Variants in ZNF285 observed in about 807,000 individuals in gnomAD.
ZNF285 encodes the protein zinc finger protein 285.
Under a neutral mutation model 6.2 loss-of-function variants are expected in ZNF285, and 4 were observed. The ratio of observed to expected loss-of-function variants is 0.65; its 90% CI spans 0.32 to 1.49. The LOEUF is 1.49. Among genes scored for constraint, ZNF285 ranks in the 40% most tolerant of loss-of-function variants. The pLI is 0.07. For missense variants in ZNF285, 695 were observed against 708.8 expected (o/e 0.98, Z 0.22); for synonymous variants, 240 against 245.8 (o/e 0.98, Z 0.22).
chr19:44,384,981 C>T lies in ZNF285; in HGVS notation c.*1491G>A, dbSNP rs1971046337. 1 of 120,968 alleles carries T rather than the reference C, an allele frequency of 8.3e-6. No homozygotes were observed. Among genetic ancestry groups the T allele is most frequent in the Non-Finnish European group, 1.6e-5 (1 of 62,728 alleles). 7.5% of individuals were successfully genotyped at this position (120,968 alleles called of 1,614,324 possible). On this transcript the variant is annotated 3_prime_UTR_variant, in exon 4 of 4. Transcript: ENST00000614994. ...CACTGCACTCCAGCCACCTGGGTGA[C>T]ACAGCAAGACCCTGTTTCCAAAAAA...
chr19:44,386,663 T>A lies in ZNF285; in HGVS notation c.1582A>T (p.Asn528Tyr). ...GKGFSRNSDL[N>Y]VHLRVHTGER... ...CCTGTGTGGACTCTGAGGTGAACATTAAGATCTGAATTCCGGCTGAAGCCT... is the reference window on the plus strand; with the variant it reads ...CCTGTGTGGACTCTGAGGTGAACATAAAGATCTGAATTCCGGCTGAAGCCT... Residue 528 changes from asparagine (N) to tyrosine (Y), a missense_variant, in exon 4 of 4, where the codon AAT becomes TAT. By Grantham distance (143) the Asn-to-Tyr change is moderately radical (BLOSUM62 -2). Coordinates refer to ENST00000614994, the MANE Select transcript of ZNF285 (RefSeq NM_152354.6). The A allele has an allele frequency of 6.2e-7, 1 of 1,613,998 alleles. No individual in the cohort carries two copies. The highest frequency in any genetic ancestry group is 8.5e-7 in the Non-Finnish European group (1 of 1,179,928).
At position 44,387,006 on chromosome 19, in the gene ZNF285, G is replaced by A. The variant is rs566967165; in HGVS notation, c.1239C>T (p.Ser413=). The change falls in exon 4 of 4, where the codon TCC becomes TCT. Residue 413 remains serine, a synonymous_variant. Coordinates refer to ENST00000614994, the MANE Select transcript of ZNF285 (RefSeq NM_152354.6). The part of the protein sequence containing the change: ...SECGKCFSSS[S]VLQVHWRFHT... The stretch of plus-strand genomic sequence containing the variant: ...GAAACCTCCAGTGGACTTGAAGAAC[G>A]GAGCTTGAACTAAAGCACTTGCCAC... 2.5e-5 allele frequency: 40 copies of A among 1,613,916 alleles called. No individual in the cohort carries two copies. Among genetic ancestry groups the A allele is most frequent in the South Asian group, 8.8e-5 (8 of 91,068 alleles).
chr19:44,386,794 T>C lies in ZNF285; in HGVS notation c.1451A>G (p.Tyr484Cys), dbSNP rs766315220. Reference protein sequence around the residue: ...HQRVHTGEKPYKCEVCGKCFS... With the variant: ...HQRVHTGEKPCKCEVCGKCFS... ...GCACTTTCCACACACTTCACATTTA[T>C]ATGGTTTTTCTCCAGTGTGAACTCT... is the stretch of plus-strand genomic sequence containing the variant. The change falls in exon 4 of 4, where the codon TAT becomes TGT. Residue 484 changes from tyrosine (Y) to cysteine (C), a missense_variant. Physicochemically the swap from Tyr to Cys is radical, Grantham distance 194. Coordinates refer to ENST00000614994, the MANE Select transcript of ZNF285 (RefSeq NM_152354.6). 1 of 1,614,260 alleles carries C rather than the reference T, an allele frequency of 6.2e-7. No individual in the cohort carries two copies. The highest frequency in any genetic ancestry group is 1.1e-5 in the South Asian group (1 of 91,090).
Position 44,392,592 on chromosome 19 carries a change from C to T in ZNF285, c.16-126G>A, listed in dbSNP as rs75663678. ...ACAAAATAAACTTATTTCTTCCTGT[C>T]CTGGAGGTTGGAAAGTCTAAGATCA... On this transcript the variant is annotated intron_variant, in intron 2 of 3. Transcript: ENST00000614994. The T allele has an allele frequency of 2.4e-4, 375 of 1,569,900 alleles. 3 individuals carry two copies. The East Asian group carries it at 8.0e-3, about 34-fold the overall frequency.
chr19:44,396,805 A>G, intron 2 of ZNF285: 1 of 205,298 alleles, frequency 4.9e-6, no homozygotes, highest in Non-Finnish European at 1.0e-5. Flanking sequence ...AAATCTTGCT[A>G]CTTATTGAAT....
At position 44,397,087 on chromosome 19, in the gene ZNF285, T is replaced by C. The variant is rs186478264; in HGVS notation, c.15+112A>G. ...ACAAAGTCATTATGAGCAGATAAAG[T>C]ACCTAATACATAGTAGTCACTCAAA... On this transcript the variant is annotated intron_variant, in intron 2 of 3. Coordinates refer to ENST00000614994, the MANE Select transcript of ZNF285 (RefSeq NM_152354.6). 2.0e-5 allele frequency: 30 copies of C among 1,464,756 alleles called. No individual in the cohort carries two copies. The East Asian group carries it at 6.8e-4, about 33-fold the overall frequency. The allele number at this position is 1,464,756 out of a possible 1,614,324, so 90.7% of individuals were successfully genotyped here. A position where few individuals can be genotyped will look rare whatever the true frequency, so the allele number is the denominator to read the frequency against.
rs1271623195 is a variant in ZNF285 at position 44,392,481 on chromosome 19, A to T, written c.16-15T>A. The T allele has an allele frequency of 3.1e-6, 5 of 1,613,688 alleles. No individual in the cohort carries two copies. Among genetic ancestry groups the T allele is most frequent in the Non-Finnish European group, 3.4e-6 (4 of 1,179,804 alleles). On this transcript the variant is annotated splice_polypyrimidine_tract_variant and intron_variant, in intron 2 of 3. Coordinates refer to ENST00000614994, the MANE Select transcript of ZNF285 (RefSeq NM_152354.6). ...GTCACCCTTTCCTAAAACATCAACC[A>T]CATGCCACGTCAATCATCCACACAA...
Position 44,386,764 on chromosome 19 carries a change from C to A in ZNF285, c.1481G>T (p.Ser494Ile), listed in dbSNP as rs757779421. Residue 494 changes from serine (S) to isoleucine (I), a missense_variant, in exon 4 of 4, where the codon AGT becomes ATT. By Grantham distance (142) the Ser-to-Ile change is moderately radical. Coordinates refer to ENST00000614994, the MANE Select transcript of ZNF285 (RefSeq NM_152354.6). Reference sequence around the variant, plus strand: ...ATGTAAGTGAAAATATGAACTGTAACTGAAGCACTTTCCACACACTTCACA... The same window carrying A: ...ATGTAAGTGAAAATATGAACTGTAAATGAAGCACTTTCCACACACTTCACA... ...YKCEVCGKCF[S>I]YSSYFHLHQR... 6.2e-7 allele frequency: 1 copy of A among 1,614,204 alleles called. No homozygotes were observed. Among genetic ancestry groups the A allele is most frequent in the East Asian group, 2.2e-5 (1 of 44,888 alleles).
intron 2 of ZNF285, among the ~76,000 whole-genome samples, chr19:44,394,250 A>C (rs1354482780): frequency 6.6e-6 from 1 of 150,696 alleles, no homozygotes; most frequent in African/African-American, 2.4e-5. Flanking sequence ...ATCACACACC[A>C]GGGACTGTTG....
chr19:44,400,659 C>A (rs951639226), intron 1 of ZNF285, among the ~76,000 whole-genome samples: 5 of 152,096 alleles, frequency 3.3e-5, no homozygotes, highest in Non-Finnish European at 7.3e-5. Context: ...ACTGCAAGCT[C>A]CGCCTCCCGG....
At chr19:44,398,343 T>A (rs1245809434) in intron 1 of ZNF285, among the ~76,000 whole-genome samples, 2 of 152,182 alleles carry the variant, frequency 1.3e-5, no homozygotes, top group Admixed American at 6.5e-5. Flanking sequence ...CCCTTGCCAG[T>A]TAGCTTCCAG....
chr19:44,386,628 G>C lies in ZNF285; in HGVS notation c.1617C>G (p.Pro539=), dbSNP rs754275910. The C allele has an allele frequency of 2.5e-6, 4 of 1,614,050 alleles. No individual in the cohort carries two copies. The highest frequency in any genetic ancestry group is 2.5e-6 in the Non-Finnish European group (3 of 1,180,004). Residue 539 remains proline (P), a synonymous_variant, in exon 4 of 4, where the codon CCC becomes CCG. Transcript: ENST00000614994. ...CCTTACCACATGCCTTACACTTATA[G>C]GGCCTCTCTCCTGTGTGGACTCTGA... The part of the protein sequence containing the change: ...VHLRVHTGER[P]YKCKACGKGF...
At chr19:44,398,391 A>G (rs1971320563) in intron 1 of ZNF285, among the ~76,000 whole-genome samples, 1 of 152,168 alleles carries the variant, frequency 6.6e-6, no homozygotes, top group Non-Finnish European at 1.5e-5. Context: ...CAAGAGATCC[A>G]GGGAAGGGAC....
Position 44,397,257 on chromosome 19 carries a change from C to A in ZNF285, c.-43-1G>T. The A allele has an allele frequency of 6.2e-7, 1 of 1,613,902 alleles. No individual in the cohort carries two copies. The highest frequency in any genetic ancestry group is 8.5e-7 in the Non-Finnish European group (1 of 1,179,856). On this transcript the variant is annotated splice_acceptor_variant, in intron 1 of 3. Transcript: ENST00000614994. LOFTEE classifies it low-confidence loss of function (5UTR_SPLICE). ...AGGGCAGGATTCTGGAAAAGCAGAA[C>A]TGCAAAGAAGAAATAATCCATGAGA...
At position 44,391,091 on chromosome 19, in the gene ZNF285, T is replaced by C. The variant is rs1190508059; in HGVS notation, c.142+1249A>G. ...ATTGCTTGAACTTGGGAGGTGGAGG[T>C]TGCAGTGAGCCAAGATAGCACCACT... On this transcript the variant is annotated intron_variant, in intron 3 of 3. Coordinates refer to ENST00000614994, the MANE Select transcript of ZNF285 (RefSeq NM_152354.6). Among the ~76,000 whole-genome samples, 3 of 150,924 alleles carry C rather than the reference T, an allele frequency of 2.0e-5. No homozygotes were observed. The East Asian group carries it at 5.9e-4, about 30-fold the overall frequency.
At chr19:44,394,677 A>G (rs1971251985) in intron 2 of ZNF285, 1 of 405,164 alleles carries the variant, frequency 2.5e-6, no homozygotes, top group African/African-American at 2.1e-5. Flanking sequence ...GTATTTACAG[A>G]TATGTTCTCT....
intron 2 of ZNF285, 195 bp downstream of exon 2, chr19:44,397,004 C>T: frequency 2.7e-6 from 2 of 730,572 alleles, no homozygotes; most frequent in Non-Finnish European, 4.5e-6. Flanking sequence ...AAGTAGACAT[C>T]TTGAAATCTG....
intron 3 of ZNF285, among the ~76,000 whole-genome samples, chr19:44,390,066 CCCA>C (rs1456378629): frequency 6.6e-6 from 1 of 152,130 alleles, no homozygotes; most frequent in African/African-American, 2.4e-5. Flanking sequence ...TCCCATAATT[CCCA>C]CGTGTCGTGT....
chr19:44,391,301 G>T (rs140096737), intron 3 of ZNF285, among the ~76,000 whole-genome samples: 1,541 of 151,794 alleles, frequency 0.01, 17 homozygotes, highest in Non-Finnish European at 0.012. Context: ...TTTGTAAATT[G>T]CCCAGTCTTG....
Sources: gnomAD v4.1 joint callset for allele counts (sites outside exome capture counted in the v4.1 genomes callset) on GRCh38, gnomAD v4.1.1 for gene constraint, MANE v1.5 for transcripts, NCBI Gene and HGNC (gene_info 2026-07-23, HGNC 2026-07-21) for gene names.